The following UNC13C variants were observed in gnomAD, a reference collection of about 807,000 sequenced individuals.
UNC13C encodes protein unc-13 homolog C.
Under a neutral mutation model 245.4 loss-of-function variants are expected in UNC13C, and 174 were observed. The ratio of observed to expected loss-of-function variants is 0.71; its 90% CI spans 0.63 to 0.80. UNC13C has a LOEUF of 0.80. Ranked by LOEUF, UNC13C falls within the 30% of genes least tolerant of loss-of-function variation. UNC13C has a pLI of 0.00. For synonymous variants in UNC13C, 992 were observed against 895.1 expected (o/e 1.11, Z -1.93); for missense variants, 2,829 against 2,602.9 (o/e 1.09, Z -1.89).
chr15:54,336,282 CA>C (rs1433171638), intron 16 of UNC13C, among the ~76,000 whole-genome samples: 2 of 151,984 alleles, frequency 1.3e-5, no homozygotes, highest in Non-Finnish European at 2.9e-5. Flanking sequence ...ACAAAGTTAT[CA>C]TATTTGTGAG....
At position 54,535,010 on chromosome 15, in the gene UNC13C, A is replaced by G. The variant is rs533860728; in HGVS notation, c.5696+1944A>G. Reference sequence around the variant, plus strand: ...AAAGTAACTACACAATCAAGTCTGCATAACAACCAGCTAAAGACGCAACAA... The same window carrying G: ...AAAGTAACTACACAATCAAGTCTGCGTAACAACCAGCTAAAGACGCAACAA... On this transcript the variant is annotated intron_variant, in intron 26 of 32. Coordinates refer to ENST00000260323, the MANE Select transcript of UNC13C (RefSeq NM_001080534.3). Among the ~76,000 whole-genome samples, 49 of 152,314 alleles carry G rather than the reference A, an allele frequency of 3.2e-4. 2 individuals carry two copies. In the South Asian group the frequency reaches 6.2e-3, roughly 19 times the overall value.
At chr15:53,842,074 G>A in the UNC13C span, among the ~76,000 whole-genome samples, 1 of 152,096 alleles carries the variant, frequency 6.6e-6, no homozygotes, top group Non-Finnish European at 1.5e-5. Context: ...ACTTGTATTT[G>A]CATAAATTGA....
intron 2 of UNC13C, among the ~76,000 whole-genome samples, chr15:54,035,587 A>G (rs576867594): frequency 2.0e-5 from 3 of 152,300 alleles, no homozygotes; most frequent in African/African-American, 7.2e-5. Context: ...GCCCATTCTT[A>G]GATGCATGCA....
At chr15:54,041,698 A>G (rs1354070548) in intron 2 of UNC13C, among the ~76,000 whole-genome samples, 2 of 152,188 alleles carry the variant, frequency 1.3e-5, no homozygotes, top group Non-Finnish European at 2.9e-5. Flanking sequence ...TCATTTGTCA[A>G]ATGAGAATAA....
chr15:54,181,131 A>G (rs1428508250), intron 4 of UNC13C, among the ~76,000 whole-genome samples: 2 of 151,956 alleles, frequency 1.3e-5, no homozygotes, highest in African/African-American at 4.8e-5. Flanking sequence ...TCCTAGTTTG[A>G]AGTCTTGCAT....
intron 1 of UNC13C, among the ~76,000 whole-genome samples, chr15:53,990,752 C>T (rs974415908): frequency 2.0e-5 from 3 of 151,982 alleles, no homozygotes; most frequent in Non-Finnish European, 2.9e-5. Context: ...AGTGGCTTAA[C>T]TGGGTGACGA....
In UNC13C at chr15:54,435,698, G is replaced by A. The variant is rs368115465; in HGVS notation, c.4933+20631G>A. ...GTATACCTATGTAACAAAACTGCAC[G>A]TTAGGCACATGTATCCCAGAACTTA... On this transcript the variant is annotated intron_variant, in intron 19 of 32. Coordinates refer to ENST00000260323, the MANE Select transcript of UNC13C (RefSeq NM_001080534.3). Among the ~76,000 whole-genome samples the A allele has an allele frequency of 8.6e-5, 13 of 151,444 alleles. No homozygotes were observed. In the East Asian group the frequency reaches 1.8e-3, roughly 20 times the overall value.
At chr15:54,273,242 G>T (rs1426983074) in intron 10 of UNC13C, among the ~76,000 whole-genome samples, 1 of 152,176 alleles carries the variant, frequency 6.6e-6, no homozygotes, top group Non-Finnish European at 1.5e-5. Flanking sequence ...CCCAAGGGCA[G>T]AAATGATTAT....
intron 2 of UNC13C, among the ~76,000 whole-genome samples, chr15:54,047,232 G>C (rs948677011): frequency 6.6e-6 from 1 of 151,858 alleles, no homozygotes; most frequent in Non-Finnish European, 1.5e-5. Context: ...ACCCATTTTA[G>C]GTACATTTTT....
intron 2 of UNC13C, among the ~76,000 whole-genome samples, chr15:54,023,051 G>A (rs1300399423): frequency 9.9e-5 from 15 of 152,172 alleles, no homozygotes. Flanking sequence ...GGTGTGAGAT[G>A]GAACTAAGAG....
chr15:54,239,614 C>A (rs12440939), intron 7 of UNC13C, among the ~76,000 whole-genome samples: 7,209 of 141,372 alleles, frequency 0.051, 364 homozygotes, highest in East Asian at 0.27. Flanking sequence ...CCACACTCAG[C>A]TAATATTTCC....
chr15:53,948,993 T>C, the UNC13C span, among the ~76,000 whole-genome samples: 1 of 152,220 alleles, frequency 6.6e-6, no homozygotes, highest in Non-Finnish European at 1.5e-5. Context: ...AACTATTTAT[T>C]GTGCTAGGCC....
intron 10 of UNC13C, among the ~76,000 whole-genome samples, chr15:54,284,133 T>G (rs1022510685): frequency 3.9e-5 from 6 of 152,144 alleles, no homozygotes; most frequent in African/African-American, 1.4e-4. Context: ...ACGGGTAAAT[T>G]TTTAGAAAGA....
At chr15:53,896,097 C>T in the UNC13C span, among the ~76,000 whole-genome samples, 1 of 151,806 alleles carries the variant, frequency 6.6e-6, no homozygotes, top group South Asian at 2.1e-4. Flanking sequence ...ATCAAGTCAA[C>T]TTTAATTGCC....
At position 54,260,561 on chromosome 15, in the gene UNC13C, AAC is replaced by A. The variant is rs916315806; in HGVS notation, c.3449-3601_3449-3600del. ...GTATACATATATTCTATATATAATA[AAC>A]ACACATATATGTATATGTATGTATA... is the stretch of plus-strand genomic sequence containing the variant. On this transcript the variant is annotated intron_variant, in intron 8 of 32. Transcript: ENST00000260323. Among the ~76,000 whole-genome samples the A allele has an allele frequency of 6.0e-5, 9 of 149,380 alleles. No homozygotes were observed. The East Asian group carries it at 7.8e-4, about 13-fold the overall frequency.
chr15:53,851,775 C>A, the UNC13C span, among the ~76,000 whole-genome samples: 4 of 152,156 alleles, frequency 2.6e-5, no homozygotes, highest in Non-Finnish European at 5.9e-5. Flanking sequence ...GCCTGTCCAA[C>A]GAAGTCTCCA....
chr15:53,960,361 G>C, the UNC13C span, among the ~76,000 whole-genome samples: 13 of 150,288 alleles, frequency 8.7e-5, no homozygotes, highest in African/African-American at 2.9e-4. Context: ...CTAAATGGTA[G>C]CTTGGGTTTT....
chr15:53,887,261 A>G, the UNC13C span, among the ~76,000 whole-genome samples: 1 of 152,344 alleles, frequency 6.6e-6, no homozygotes, highest in South Asian at 2.1e-4. Flanking sequence ...AAAGTTTATT[A>G]AAATATTGAC....
chr15:54,222,197 C>G (rs2035248116), intron 4 of UNC13C, among the ~76,000 whole-genome samples: 1 of 151,786 alleles, frequency 6.6e-6, no homozygotes, highest in Non-Finnish European at 1.5e-5. Context: ...TCCATTCTAT[C>G]CATTATATTT....
Sources: allele counts gnomAD v4.1 joint callset (sites outside exome capture counted in the v4.1 genomes callset), GRCh38; gene constraint gnomAD v4.1.1; transcripts MANE v1.5; gene names NCBI Gene and HGNC (gene_info 2026-07-23, HGNC 2026-07-21).